The following DENND5B variants were observed in gnomAD, a reference collection of about 807,000 sequenced individuals.
DENND5B encodes the protein DENN domain containing 5B, also known as DENN domain-containing protein 5B.
In DENND5B, 34 loss-of-function variants were observed where a neutral mutation model predicts 140.6. The ratio of observed to expected loss-of-function variants is 0.24; its 90% CI spans 0.18 to 0.32. The LOEUF is 0.32. DENND5B is among the 10% of genes least tolerant of loss of function. The pLI, the probability that DENND5B is intolerant of heterozygous loss-of-function variation, is 1.00. For missense variants in DENND5B, 1,142 were observed against 1,560.2 expected, an observed-to-expected ratio of 0.73 and a Z score of 4.52; for synonymous variants, 551 against 562.1, an observed-to-expected ratio of 0.98 and a Z score of 0.28.
At chr12:31,419,912 G>A in intron 11 of DENND5B, 1 of 605,146 alleles carries the variant, frequency 1.7e-6, no homozygotes, top group Non-Finnish European at 2.0e-6. Context: ...AGTGGAGGTT[G>A]CAGTGAGCCA....
At position 31,513,175 on chromosome 12, in the gene DENND5B, T is replaced by C. The variant is rs368767964; in HGVS notation, c.128-17256A>G. Reference sequence around the variant, plus strand: ...TCATGATTATACTGAGTTTATAGGTTTGGGGAAGACCACACAGGTAAAGTG... The same window carrying C: ...TCATGATTATACTGAGTTTATAGGTCTGGGGAAGACCACACAGGTAAAGTG... On this transcript the variant is annotated intron_variant, in intron 1 of 20. Coordinates refer to ENST00000389082, the MANE Select transcript of DENND5B (RefSeq NM_144973.4). Among the ~76,000 whole-genome samples the C allele has an allele frequency of 2.6e-5, 4 of 152,202 alleles. No individual in the cohort carries two copies. In the East Asian group the frequency reaches 7.7e-4, roughly 29 times the overall value.
chr12:31,495,965 C>G, intron 1 of DENND5B, 46 bp from the exon 2 acceptor site: 3 of 1,348,130 alleles, frequency 2.2e-6, no homozygotes, highest in Non-Finnish European at 3.1e-6. Flanking sequence ...TTTCCAAAAG[C>G]ATGTCATAGT....
At position 31,457,753 on chromosome 12, in the gene DENND5B, G is replaced by A. The variant is rs1251777301; in HGVS notation, c.1092+2441C>T. Among the ~76,000 whole-genome samples the A allele has an allele frequency of 6.1e-5, 9 of 148,450 alleles. 1 individual carries two copies. The highest frequency in any genetic ancestry group is 8.9e-5 in the Non-Finnish European group (6 of 67,396). On this transcript the variant is annotated intron_variant, in intron 4 of 20. Transcript: ENST00000389082. ...TTTTGAGATGGAGTCTCGCTCTGTC[G>A]CCCAGGCTGGAGTGCAGTGATGCGA...
chr12:31,545,296 T>C (rs1948819084), intron 1 of DENND5B, among the ~76,000 whole-genome samples: 1 of 152,204 alleles, frequency 6.6e-6, no homozygotes, highest in Admixed American at 6.5e-5. Flanking sequence ...TATTTGGGTA[T>C]ATTGTATAAT....
rs757517727 is a variant in DENND5B, at chr12:31,503,747, GTCC to G, written c.128-7831_128-7829del. 3.9e-5 allele frequency among the ~76,000 whole-genome samples: 6 copies of G among 152,102 alleles called. No homozygotes were observed. In the South Asian group the frequency reaches 6.2e-4, roughly 16 times the overall value. The stretch of plus-strand genomic sequence containing the variant: ...CCAATAGTTCCAATTACTTCACATA[GTCC>G]TCGTTTCCGGTTTTATCAGAGAGGT... On this transcript the variant is annotated intron_variant, in intron 1 of 20. Transcript: ENST00000389082.
chr12:31,441,445 C>A (rs1271440176), intron 7 of DENND5B, among the ~76,000 whole-genome samples: 1 of 151,898 alleles, frequency 6.6e-6, no homozygotes, highest in African/African-American at 2.4e-5. Flanking sequence ...GCCTCGTACT[C>A]CTAAAGTGCT....
At chr12:31,547,458 G>T (rs1374489675) in intron 1 of DENND5B, among the ~76,000 whole-genome samples, 2 of 152,238 alleles carry the variant, frequency 1.3e-5, no homozygotes, top group East Asian at 1.9e-4. Context: ...GAGTGCAGTG[G>T]CACAATCTTG....
At chr12:31,388,552 C>T (rs372113428) in intron 20 of DENND5B, among the ~76,000 whole-genome samples, 2 of 152,068 alleles carry the variant, frequency 1.3e-5, no homozygotes, top group East Asian at 1.9e-4. Flanking sequence ...CTAAGACATC[C>T]TTATTGAGCA....
At chr12:31,391,235 C>T (rs892134538) in intron 19 of DENND5B, among the ~76,000 whole-genome samples, 4 of 152,140 alleles carry the variant, frequency 2.6e-5, no homozygotes, top group East Asian at 1.9e-4. Flanking sequence ...GAAACACTTC[C>T]GCCTTGGGGC....
intron 1 of DENND5B, among the ~76,000 whole-genome samples, chr12:31,531,698 T>C (rs1384966468): frequency 1.3e-5 from 2 of 152,202 alleles, no homozygotes; most frequent in African/African-American, 2.4e-5. Flanking sequence ...CAGAATTACA[T>C]TCCTTCCAGA....
Position 31,387,471 on chromosome 12 carries a change from A to G in DENND5B, c.*132T>C, listed in dbSNP as rs183827777. 207 of 872,922 alleles carry G rather than the reference A, an allele frequency of 2.4e-4. No individual in the cohort carries two copies. Among genetic ancestry groups the G allele is most frequent in the Admixed American group, 1.4e-3 (49 of 35,006 alleles). The allele number at this position is 872,922 out of a possible 1,614,324, so 54.1% of individuals were successfully genotyped here. A position where few individuals can be genotyped will look rare whatever the true frequency, so the allele number is the denominator to read the frequency against. ...ATACAACATTTTGCCTTGTCTGTAG[A>G]GTGAGGATTGTTCCAAATGGGGCAT... is the stretch of plus-strand genomic sequence containing the variant. On this transcript the variant is annotated 3_prime_UTR_variant, in exon 21 of 21. Transcript: ENST00000389082.
intron 7 of DENND5B, among the ~76,000 whole-genome samples, chr12:31,440,837 G>A (rs1480724001): frequency 6.6e-6 from 1 of 152,138 alleles, no homozygotes; most frequent in Non-Finnish European, 1.5e-5. Context: ...CCAGGCTCCA[G>A]TGATTCTCAT....
In DENND5B at chr12:31,449,525, T is replaced by G. The variant is rs368328638; in HGVS notation, c.1630-1756A>C. Among the ~76,000 whole-genome samples the G allele has an allele frequency of 2.1e-4, 32 of 152,294 alleles. 1 individual carries two copies. Among genetic ancestry groups the G allele is most frequent in the East Asian group, 1.4e-3 (7 of 5,184 alleles). The stretch of plus-strand genomic sequence containing the variant: ...AACGATTTGGCTTGTACGACTAGTA[T>G]GTCCTGCAGATTTTCCTAGTGAAAG... On this transcript the variant is annotated intron_variant, in intron 5 of 20. Coordinates refer to ENST00000389082, the MANE Select transcript of DENND5B (RefSeq NM_144973.4).
intron 1 of DENND5B, among the ~76,000 whole-genome samples, chr12:31,503,670 T>C (rs974758636): frequency 1.3e-5 from 2 of 152,216 alleles, no homozygotes; most frequent in Non-Finnish European, 1.5e-5. Flanking sequence ...TATTTTCCCC[T>C]GATTAAGGCA....
In DENND5B at chr12:31,452,420, A is replaced by G; in HGVS notation, c.1149T>C (p.Phe383=). The change falls in exon 5 of 21, where the codon TTT becomes TTC. Residue 383 remains phenylalanine (F), a synonymous_variant. Coordinates refer to ENST00000389082, the MANE Select transcript of DENND5B (RefSeq NM_144973.4). ...DNHFIELPEE[F]PQFPNKVDFI... ...AATCCACTTTATTGGGGAACTGTGGAAATTCTTCAGGCAACTCAATAAAAT... is the reference window on the plus strand; with the variant it reads ...AATCCACTTTATTGGGGAACTGTGGGAATTCTTCAGGCAACTCAATAAAAT... The G allele has an allele frequency of 6.2e-7, 1 of 1,612,544 alleles. No individual in the cohort carries two copies. Among genetic ancestry groups the G allele is most frequent in the South Asian group, 1.1e-5 (1 of 90,608 alleles).
intron 4 of DENND5B, among the ~76,000 whole-genome samples, chr12:31,459,616 A>C (rs942919325): frequency 6.6e-6 from 1 of 152,172 alleles, no homozygotes; most frequent in Non-Finnish European, 1.5e-5. Context: ...ATTTGAAAGT[A>C]CAACACACAG....
chr12:31,512,364 A>C (rs961817288), intron 1 of DENND5B, among the ~76,000 whole-genome samples: 7 of 145,740 alleles, frequency 4.8e-5, no homozygotes, highest in African/African-American at 1.8e-4. Context: ...CTACACGTAC[A>C]CACCACCACA....
chr12:31,494,865 T>C (rs1388794897), intron 2 of DENND5B, among the ~76,000 whole-genome samples: 1 of 152,226 alleles, frequency 6.6e-6, no homozygotes, highest in Non-Finnish European at 1.5e-5. Context: ...AATGGGCTCT[T>C]GAGCTGCTTG....
intron 1 of DENND5B, among the ~76,000 whole-genome samples, chr12:31,530,170 C>G (rs956691547): frequency 2.0e-5 from 3 of 152,056 alleles, no homozygotes; most frequent in Non-Finnish European, 4.4e-5. Flanking sequence ...GTCAGGAGTT[C>G]GAGACCAGCC....
Sources: gnomAD v4.1 joint callset for allele counts (sites outside exome capture counted in the v4.1 genomes callset) on GRCh38, gnomAD v4.1.1 for gene constraint, MANE v1.5 for transcripts, NCBI Gene and HGNC (gene_info 2026-07-23, HGNC 2026-07-21) for gene names.